KLHL4: variants seen among roughly 807,000 people sequenced by gnomAD.
KLHL4 encodes the protein kelch like family member 4.
Under a neutral mutation model 45.8 loss-of-function variants are expected in KLHL4, and 17 were observed. The ratio of observed to expected loss-of-function variants is 0.37; its 90% CI spans 0.25 to 0.56. The LOEUF is 0.56. Ranked by LOEUF, KLHL4 falls within the 20% of genes least tolerant of loss-of-function variation. The probability of loss-of-function intolerance (pLI) is 0.79; values close to 1 mark genes in which losing one functional copy is unlikely to be tolerated. For synonymous variants in KLHL4, 224 were observed against 189.9 expected (o/e 1.18, Z -1.47); for missense variants, 544 against 544.9 (o/e 1.00, Z 0.02).
intron 1 of KLHL4, among the ~76,000 whole-genome samples, chrX:87,577,231 C>T (rs1459311021): frequency 9.0e-6 from 1 of 111,689 alleles, no homozygotes; most frequent in Non-Finnish European, 1.9e-5. Context: ...TTTCCCGGAG[C>T]ATACACGCCG....
chrX:87,596,556 C>T (rs1921845231), intron 1 of KLHL4, among the ~76,000 whole-genome samples: 1 of 111,699 alleles, frequency 9.0e-6, no homozygotes, highest in African/African-American at 3.3e-5. Flanking sequence ...ACTGGATAAT[C>T]TTCAGTAAAT....
At chrX:87,588,737 A>C (rs1460244760) in intron 1 of KLHL4, among the ~76,000 whole-genome samples, 1 of 111,031 alleles carries the variant, frequency 9.0e-6, no homozygotes, top group African/African-American at 3.3e-5. Context: ...CATTGGTCTG[A>C]GCGAAAATTT....
chrX:87,659,334 G>A (rs1165500359), intron 9 of KLHL4, among the ~76,000 whole-genome samples: 1 of 108,972 alleles, frequency 9.2e-6, no homozygotes, highest in Non-Finnish European at 1.9e-5. Flanking sequence ...TGGCCAGGCT[G>A]GTCTTGAACT....
chrX:87,569,276 A>T (rs1346563548), intron 1 of KLHL4, among the ~76,000 whole-genome samples: 3 of 111,670 alleles, frequency 2.7e-5, no homozygotes, highest in Non-Finnish European at 5.7e-5. Context: ...ATAACAATTT[A>T]TACCCACTAG....
intron 1 of KLHL4, among the ~76,000 whole-genome samples, chrX:87,574,493 G>A (rs1921033283): frequency 8.9e-6 from 1 of 111,763 alleles, no homozygotes; most frequent in African/African-American, 3.2e-5. Context: ...GAAGAATGCT[G>A]GCAATGCACT....
intron 1 of KLHL4, among the ~76,000 whole-genome samples, chrX:87,584,408 C>T (rs958239468): frequency 2.7e-5 from 3 of 111,722 alleles, no homozygotes; most frequent in Non-Finnish European, 3.8e-5. Context: ...GATATGTAAC[C>T]GTTCAGGCAG....
intron 1 of KLHL4, among the ~76,000 whole-genome samples, chrX:87,545,300 T>G (rs1009178209): frequency 2.7e-5 from 3 of 111,684 alleles, no homozygotes; most frequent in African/African-American, 9.8e-5. Flanking sequence ...TCATCTCAAA[T>G]TGGAATTCTC....
At chrX:87,558,361 C>T (rs1932025243) in intron 1 of KLHL4, among the ~76,000 whole-genome samples, 1 of 111,145 alleles carries the variant, frequency 9.0e-6, no homozygotes, top group Non-Finnish European at 1.9e-5. Flanking sequence ...GGAATAAATG[C>T]AAAGTTTTTG....
chrX:87,581,960 A>G (rs901730290), intron 1 of KLHL4, among the ~76,000 whole-genome samples: 1 of 112,203 alleles, frequency 8.9e-6, no homozygotes, highest in African/African-American at 3.2e-5. Context: ...GCTAAGAGGT[A>G]TGATAGAACA....
Position 87,614,028 on chromosome X carries a change from C to A in KLHL4, c.574C>A (p.Arg192Ser), listed in dbSNP as rs769378639. Residue 192 changes from arginine (R) to serine (S), a missense_variant, in exon 2 of 11, where the codon CGC (arginine) becomes AGC (serine). Arg to Ser is a moderately radical substitution (Grantham distance 110). Coordinates refer to ENST00000373119, the MANE Select transcript of KLHL4 (RefSeq NM_019117.5). Reference sequence around the variant, plus strand: ...TGTGCTACTGATTGCAGGACACCTCCGCATCCCAGCCCATAGGTAAGTATT... The same window carrying A: ...TGTGCTACTGATTGCAGGACACCTCAGCATCCCAGCCCATAGGTAAGTATT... ...CDVLLIAGHL[R>S]IPAHRLVLSA... 8.3e-7 allele frequency: 1 copy of A among 1,199,876 alleles called. No individual in the cohort carries two copies. Among genetic ancestry groups the A allele is most frequent in the African/African-American group, 1.7e-5 (1 of 57,397 alleles).
At chrX:87,575,149 G>T (rs1331835545) in intron 1 of KLHL4, among the ~76,000 whole-genome samples, 1 of 112,015 alleles carries the variant, frequency 8.9e-6, no homozygotes, top group East Asian at 2.8e-4. Context: ...TTTACTAGAA[G>T]TTTCCTGATA....
chrX:87,591,301 C>G (rs1921655805), intron 1 of KLHL4, among the ~76,000 whole-genome samples: 2 of 111,789 alleles, frequency 1.8e-5, no homozygotes, highest in African/African-American at 3.2e-5. Context: ...TGAGAAATGT[C>G]TATTCAGATT....
chrX:87,645,855 A>G (rs1923612412), intron 9 of KLHL4, among the ~76,000 whole-genome samples: 1 of 111,065 alleles, frequency 9.0e-6, no homozygotes, highest in South Asian at 3.8e-4. Context: ...AACTATGAGG[A>G]CACAAAGGCA....
intron 1 of KLHL4, among the ~76,000 whole-genome samples, chrX:87,584,445 A>AAC (rs780315060): frequency 1.6e-3 from 178 of 112,258 alleles, no homozygotes; most frequent in African/African-American, 5.4e-3. Context: ...GTGTTGAGGA[A>AAC]ACACAAAGAA....
intron 5 of KLHL4, 31 bp downstream of exon 5, chrX:87,622,454 A>G (rs374085417): frequency 2.0e-6 from 2 of 1,002,698 alleles, no homozygotes; most frequent in African/African-American, 3.8e-5. Flanking sequence ...AATTTAAAAT[A>G]TAGTTCTGAA....
At chrX:87,656,953 A>G (rs958841847) in intron 9 of KLHL4, among the ~76,000 whole-genome samples, 2 of 111,034 alleles carry the variant, frequency 1.8e-5, no homozygotes, top group African/African-American at 6.6e-5. Flanking sequence ...AGTGGCAAAG[A>G]CTCTGTATGA....
At chrX:87,654,581 A>G (rs1014324680) in intron 9 of KLHL4, among the ~76,000 whole-genome samples, 1 of 111,445 alleles carries the variant, frequency 9.0e-6, no homozygotes, top group African/African-American at 3.3e-5. Context: ...TATATTTGCT[A>G]TTGTGAATAG....
In KLHL4 at chrX:87,664,759, T is replaced by C; in HGVS notation, c.1926-5T>C. 8.4e-7 allele frequency: 1 copy of C among 1,183,852 alleles called. No individual in the cohort carries two copies. The highest frequency in any genetic ancestry group is 1.1e-6 in the Non-Finnish European group (1 of 878,345). On this transcript the variant is annotated splice_region_variant and splice_polypyrimidine_tract_variant and intron_variant, in intron 9 of 10. Transcript: ENST00000373119. The stretch of plus-strand genomic sequence containing the variant: ...CCTCCCAATTATCTTTCTAAATCCT[T>C]TAAGGTATGATCCAAAAGGTGATTC...
chrX:87,573,578 G>A (rs751473705), intron 1 of KLHL4, among the ~76,000 whole-genome samples: 5 of 111,365 alleles, frequency 4.5e-5, no homozygotes, highest in Non-Finnish European at 9.5e-5. Context: ...AGTATTATAT[G>A]TTGTTGATTA....
Sources: allele counts gnomAD v4.1 joint callset (sites outside exome capture counted in the v4.1 genomes callset), GRCh38; gene constraint gnomAD v4.1.1; transcripts MANE v1.5; gene names NCBI Gene and HGNC (gene_info 2026-07-23, HGNC 2026-07-21).